The following RAD54L2 variants were observed in gnomAD, a reference collection of about 807,000 sequenced individuals.
RAD54L2 encodes the protein RAD54 like 2, also known as helicase ARIP4.
A neutral mutation model predicts 138.4 loss-of-function variants in RAD54L2; 27 were observed. That is an observed-to-expected ratio of 0.20 (90% CI 0.14 to 0.27). The LOEUF (loss-of-function observed/expected upper bound fraction) is 0.27. Ranked by LOEUF, RAD54L2 falls within the 10% of genes least tolerant of loss-of-function variation. The pLI, the probability that RAD54L2 is intolerant of heterozygous loss-of-function variation, is 1.00. For synonymous variants in RAD54L2, 644 were observed against 723.2 expected (o/e 0.89, Z 1.76); for missense variants, 1,396 against 1,890.2 (o/e 0.74, Z 4.85).
chr3:51,549,168 A>G (rs936408133), intron 2 of RAD54L2, among the ~76,000 whole-genome samples: 2 of 151,876 alleles, frequency 1.3e-5, no homozygotes, highest in African/African-American at 2.4e-5. Context: ...AAATTTTTGT[A>G]TTTGTAGTAG....
intron 2 of RAD54L2, among the ~76,000 whole-genome samples, chr3:51,584,551 C>T (rs2106696410): frequency 6.6e-6 from 1 of 151,216 alleles, no homozygotes; most frequent in South Asian, 2.1e-4. Flanking sequence ...TTTAACAGTC[C>T]ATAGTGGATC....
intron 2 of RAD54L2, among the ~76,000 whole-genome samples, chr3:51,557,342 C>A (rs1448209731): frequency 6.6e-6 from 1 of 151,488 alleles, no homozygotes; most frequent in Non-Finnish European, 1.5e-5. Flanking sequence ...ACTGCCATGC[C>A]CAGCTAATTT....
At chr3:51,540,662 T>C (rs1419527150) in intron 1 of RAD54L2, among the ~76,000 whole-genome samples, 1 of 152,234 alleles carries the variant, frequency 6.6e-6, no homozygotes, top group Non-Finnish European at 1.5e-5. Flanking sequence ...AGTGCAATGT[T>C]AGGTAATTCT....
chr3:51,593,598 C>G (rs1699888056), intron 3 of RAD54L2, among the ~76,000 whole-genome samples: 1 of 152,180 alleles, frequency 6.6e-6, no homozygotes, highest in South Asian at 2.1e-4. Flanking sequence ...TCCCAAAGTG[C>G]TGGCATTACA....
chr3:51,575,802 A>G (rs1699467849), intron 2 of RAD54L2, among the ~76,000 whole-genome samples: 1 of 152,170 alleles, frequency 6.6e-6, no homozygotes, highest in Non-Finnish European at 1.5e-5. Context: ...AACAGGGACA[A>G]TTTGACTTCC....
intron 2 of RAD54L2, among the ~76,000 whole-genome samples, chr3:51,575,574 A>T (rs1162354010): frequency 6.6e-6 from 1 of 152,042 alleles, no homozygotes; most frequent in African/African-American, 2.4e-5. Flanking sequence ...ATCCCTTGTA[A>T]GTTGGATTCC....
At chr3:51,616,521 C>A (rs1700446627) in intron 3 of RAD54L2, among the ~76,000 whole-genome samples, 1 of 152,206 alleles carries the variant, frequency 6.6e-6, no homozygotes, top group South Asian at 2.1e-4. Context: ...AGGTAATAAT[C>A]AAGGTAAAGA....
intron 2 of RAD54L2, among the ~76,000 whole-genome samples, chr3:51,557,071 T>G (rs1186224702): frequency 6.6e-6 from 1 of 152,188 alleles, no homozygotes; most frequent in African/African-American, 2.4e-5. Flanking sequence ...CACGTACAAC[T>G]GTGGAGAGTA....
chr3:51,553,328 C>T (rs1025373575), intron 2 of RAD54L2, among the ~76,000 whole-genome samples: 2 of 151,934 alleles, frequency 1.3e-5, no homozygotes, highest in African/African-American at 2.4e-5. Context: ...CACCCGCCTC[C>T]GCCTCCCAAA....
intron 19 of RAD54L2, among the ~76,000 whole-genome samples, chr3:51,653,378 C>G (rs1008090276): frequency 2.0e-5 from 3 of 152,210 alleles, no homozygotes; most frequent in African/African-American, 4.8e-5. Context: ...TGTGGTGATT[C>G]CTCAAGGATC....
At chr3:51,592,643 C>T (rs535301576) in intron 3 of RAD54L2, among the ~76,000 whole-genome samples, 11 of 150,884 alleles carry the variant, frequency 7.3e-5, no homozygotes, top group African/African-American at 9.7e-5. Context: ...GGCGCGATCT[C>T]GGCTCACTGC....
At chr3:51,582,814 G>T (rs1020980692) in intron 2 of RAD54L2, among the ~76,000 whole-genome samples, 1 of 149,874 alleles carries the variant, frequency 6.7e-6, no homozygotes, top group African/African-American at 2.5e-5. Context: ...GCCGGACTGC[G>T]GACTGCAGTG....
chr3:51,561,761 C>T (rs1360838006), intron 2 of RAD54L2, among the ~76,000 whole-genome samples: 1 of 151,666 alleles, frequency 6.6e-6, no homozygotes, highest in Admixed American at 6.6e-5. Flanking sequence ...CCCTATGTTG[C>T]CCAGACTGGT....
chr3:51,565,172 A>T (rs1021754976), intron 2 of RAD54L2, among the ~76,000 whole-genome samples: 23 of 152,130 alleles, frequency 1.5e-4, no homozygotes, highest in East Asian at 1.9e-4. Flanking sequence ...ATAAGATTTT[A>T]AAAAAATTAC....
intron 2 of RAD54L2, among the ~76,000 whole-genome samples, chr3:51,542,987 G>T (rs1346444992): frequency 1.3e-5 from 2 of 152,120 alleles, no homozygotes; most frequent in African/African-American, 2.4e-5. Context: ...CATTTCTCTG[G>T]CATTCTTCTG....
chr3:51,635,140 C>T (rs1170640024), intron 9 of RAD54L2, among the ~76,000 whole-genome samples: 1 of 152,150 alleles, frequency 6.6e-6, no homozygotes, highest in East Asian at 1.9e-4. Context: ...CATCTGGTCT[C>T]TTCTCCTCTT....
intron 2 of RAD54L2, among the ~76,000 whole-genome samples, chr3:51,584,525 G>C (rs1699672139): frequency 6.6e-6 from 1 of 151,526 alleles, no homozygotes; most frequent in South Asian, 2.1e-4. Context: ...TGCATAGGAA[G>C]GTATTTGGAA....
rs185440116 is a variant in RAD54L2 at position 51,598,792 on chromosome 3, A to G, written c.139+8233A>G. ...AAACCCTAGAGGACTGAGTTTGGAG[A>G]GCTTATGGATAGCTGAACATGCGGA... On this transcript the variant is annotated intron_variant, in intron 3 of 22. Transcript: ENST00000684192. Among the ~76,000 whole-genome samples, 594 of 152,100 alleles carry G rather than the reference A, an allele frequency of 3.9e-3. 2 individuals are homozygous for G. Among genetic ancestry groups the G allele is most frequent in the Non-Finnish European group, 6.1e-3 (415 of 67,990 alleles).
chr3:51,616,018 T>C (rs945877150), intron 3 of RAD54L2, among the ~76,000 whole-genome samples: 1 of 152,170 alleles, frequency 6.6e-6, no homozygotes, highest in Admixed American at 6.5e-5. Flanking sequence ...ATGCATAATA[T>C]ACATATTTGG....
Sources: gnomAD v4.1 joint callset for allele counts (sites outside exome capture counted in the v4.1 genomes callset) on GRCh38, gnomAD v4.1.1 for gene constraint, MANE v1.5 for transcripts, NCBI Gene and HGNC (gene_info 2026-07-23, HGNC 2026-07-21) for gene names.